The following ACOX3 variants were observed in gnomAD, a reference collection of about 807,000 sequenced individuals.
ACOX3 encodes the protein peroxisomal acyl-coenzyme A oxidase 3.
A neutral mutation model predicts 81.5 loss-of-function variants in ACOX3; 73 were observed. The observed-to-expected ratio is 0.90, with a 90% confidence interval of 0.74 to 1.09. The LOEUF is 1.09. Among genes scored for constraint, ACOX3 ranks in the 50% least tolerant of loss-of-function variants. The pLI is 0.00. For missense variants in ACOX3, 947 were observed against 928.0 expected (o/e 1.02, Z -0.27); for synonymous variants, 387 against 375.1 (o/e 1.03, Z -0.37).
rs934255272 is a variant in ACOX3 at position 8,434,297 on chromosome 4, G to A, written c.-15+6351C>T. The stretch of plus-strand genomic sequence containing the variant: ...GGGGGGCTCCGCTCTTAAGCCACAA[G>A]TCTGCCAGTGCTTCCGGCCGAATAA... On this transcript the variant is annotated intron_variant, in intron 1 of 17. Coordinates refer to ENST00000356406, the MANE Select transcript of ACOX3 (RefSeq NM_003501.3). Among the ~76,000 whole-genome samples, 5 of 152,196 alleles carry A rather than the reference G, an allele frequency of 3.3e-5. 1 individual carries two copies. Among genetic ancestry groups the A allele is most frequent in the Admixed American group, 2.6e-4 (4 of 15,280 alleles).
At position 8,416,415 on chromosome 4, in the gene ACOX3, G is replaced by C; in HGVS notation, c.107C>G (p.Ala36Gly). ...ARASFSWKEL[A>G]LFTEGEGMLR... Reference sequence around the variant, plus strand: ...CATGCCCTCCCCTTCCGTGAACAGCGCCAGCTCCTTCCAGCTGAAGGACGC... The same window carrying C: ...CATGCCCTCCCCTTCCGTGAACAGCCCCAGCTCCTTCCAGCTGAAGGACGC... Residue 36 changes from alanine (A) to glycine (G), a missense_variant, in exon 2 of 18, where the codon GCG becomes GGG. Transcript: ENST00000356406. The surrounding 1 kb of genome is among the most constrained non-coding windows in gnomAD (Gnocchi z 4.2). 1 of 1,614,174 alleles carries C rather than the reference G, an allele frequency of 6.2e-7. No individual in the cohort carries two copies. Among genetic ancestry groups the C allele is most frequent in the Non-Finnish European group, 8.5e-7 (1 of 1,180,024 alleles).
intron 1 of ACOX3, among the ~76,000 whole-genome samples, chr4:8,426,085 T>A (rs1474309028): frequency 6.6e-6 from 1 of 152,182 alleles, no homozygotes; most frequent in Non-Finnish European, 1.5e-5. Flanking sequence ...AAATGCTGTA[T>A]GGACAGCCCT....
downstream of ACOX3, among the ~76,000 whole-genome samples, chr4:8,364,985 G>A (rs1284847775): frequency 6.6e-6 from 1 of 152,152 alleles, no homozygotes; most frequent in Non-Finnish European, 1.5e-5. This position sits in a 1 kb window ranked among gnomAD's most constrained non-coding sequence, Gnocchi z 5.0. Context: ...GGACTTGGGA[G>A]CCTGTTCCTT....
chr4:8,410,758 T>A (rs1043049832), intron 5 of ACOX3, among the ~76,000 whole-genome samples: 1 of 152,144 alleles, frequency 6.6e-6, no homozygotes, highest in Admixed American at 6.6e-5. Context: ...GTCCACTCAG[T>A]TCTTTAGGAC....
At chr4:8,408,259 CAAA>C (rs201696645) in intron 6 of ACOX3, among the ~76,000 whole-genome samples, 1 of 132,698 alleles carries the variant, frequency 7.5e-6, no homozygotes. Context: ...CACTGTCTCA[CAAA>C]AAAAAAAAAA....
rs571588730 is a variant in ACOX3, at chr4:8,405,486, G to A, written c.776+469C>T. Among the ~76,000 whole-genome samples the A allele has an allele frequency of 3.9e-5, 6 of 152,218 alleles. No homozygotes were observed. The highest frequency in any genetic ancestry group is 4.1e-4 in the South Asian group (2 of 4,832). ...GGGCTGATTAAACAAATAAGCCAGCGGAATTCTCTTTCTAAGTGCTGTGAC... is the reference window on the plus strand; with the variant it reads ...GGGCTGATTAAACAAATAAGCCAGCAGAATTCTCTTTCTAAGTGCTGTGAC... On this transcript the variant is annotated intron_variant, in intron 7 of 17. Transcript: ENST00000356406. This position sits in a 1 kb window ranked among gnomAD's most constrained non-coding sequence, Gnocchi z 7.1.
In ACOX3 at chr4:8,373,445, A is replaced by G. The variant is rs542169161; in HGVS notation, c.1896+116T>C. ...GGGTGACGCTAAGGGGGTGCGTGTC[A>G]GTCTGGGTGATACTAAGGCGGTGCG... On this transcript the variant is annotated intron_variant, in intron 16 of 17. Coordinates refer to ENST00000356406, the MANE Select transcript of ACOX3 (RefSeq NM_003501.3). 460 of 1,072,234 alleles carry G rather than the reference A, an allele frequency of 4.3e-4. 2 individuals are homozygous for G. The African/African-American group carries it at 6.7e-3, about 16-fold the overall frequency. The allele number at this position is 1,072,234 out of a possible 1,614,324, so 66.4% of individuals were successfully genotyped here. A position where few individuals can be genotyped will look rare whatever the true frequency, so the allele number is the denominator to read the frequency against.
intron 1 of ACOX3, among the ~76,000 whole-genome samples, chr4:8,425,015 C>T (rs1180551275): frequency 1.3e-5 from 2 of 152,200 alleles, no homozygotes; most frequent in Non-Finnish European, 2.9e-5. Flanking sequence ...AATATATACA[C>T]AGACTCTAAG....
chr4:8,439,401 C>G (rs2109060860), intron 1 of ACOX3: 1 of 152,306 alleles, frequency 6.6e-6, no homozygotes, highest in East Asian at 1.9e-4. Context: ...GAAAACATTG[C>G]CAGCAGCCTA....
At chr4:8,408,810 G>C (rs1256300114) in intron 6 of ACOX3, among the ~76,000 whole-genome samples, 1 of 148,638 alleles carries the variant, frequency 6.7e-6, no homozygotes, top group Admixed American at 7.0e-5. Flanking sequence ...TTAGGGGATT[G>C]ATCAGAGGCA....
intron 9 of ACOX3, among the ~76,000 whole-genome samples, chr4:8,396,581 A>T (rs983640175): frequency 6.6e-6 from 1 of 151,586 alleles, no homozygotes; most frequent in Non-Finnish European, 1.5e-5. Flanking sequence ...GGAGGCTGAG[A>T]CACGAGAATC....
chr4:8,365,496 G>A (rs1376640378), downstream of ACOX3, among the ~76,000 whole-genome samples: 3 of 152,234 alleles, frequency 2.0e-5, no homozygotes, highest in Non-Finnish European at 4.4e-5. Flanking sequence ...TCAGGCACCA[G>A]GGAGGTCCCA....
chr4:8,385,117 G>A lies in ACOX3; in HGVS notation c.1538-3510C>T, dbSNP rs957015421. ...CCCACTGTCTCGCAGAAGGAAAACAGGCTCAGAGAGATTAAAGCCTAGCTC... is the reference window on the plus strand; with the variant it reads ...CCCACTGTCTCGCAGAAGGAAAACAAGCTCAGAGAGATTAAAGCCTAGCTC... On this transcript the variant is annotated intron_variant, in intron 13 of 17. Transcript: ENST00000356406. This position sits in a 1 kb window ranked among gnomAD's most constrained non-coding sequence, Gnocchi z 5.5. Among the ~76,000 whole-genome samples, 5 of 152,162 alleles carry A rather than the reference G, an allele frequency of 3.3e-5. No homozygotes were observed. Among genetic ancestry groups the A allele is most frequent in the Non-Finnish European group, 5.9e-5 (4 of 68,022 alleles).
the ACOX3 span, chr4:8,356,631 G>A: frequency 1.5e-5 from 7 of 455,862 alleles, no homozygotes; most frequent in Admixed American, 2.4e-5. Context: ...CGGCAGGTGA[G>A]AGGAAGAAAG....
intron 1 of ACOX3, among the ~76,000 whole-genome samples, chr4:8,427,611 G>A (rs1579000332): frequency 6.6e-6 from 1 of 152,176 alleles, no homozygotes; most frequent in Non-Finnish European, 1.5e-5. Context: ...GTTCTCTTCC[G>A]TGACCCACAG....
At position 8,414,752 on chromosome 4, in the gene ACOX3, AG is replaced by A; in HGVS notation, c.453+101del. On this transcript the variant is annotated intron_variant, in intron 4 of 17. Coordinates refer to ENST00000356406, the MANE Select transcript of ACOX3 (RefSeq NM_003501.3). The surrounding 1 kb of genome is among the most constrained non-coding windows in gnomAD (Gnocchi z 6.1). ...AACACTAGGAAACAAGAAGAGCATA[AG>A]CCCCCTGGGCACCCCCTTCTACAAT... is the stretch of plus-strand genomic sequence containing the variant. 1 of 1,167,326 alleles carries A rather than the reference AG, an allele frequency of 8.6e-7. No homozygotes were observed. The highest frequency in any genetic ancestry group is 2.4e-5 in the East Asian group (1 of 42,162). 72.3% of individuals were successfully genotyped at this position (1,167,326 alleles called of 1,614,324 possible). A position where few individuals can be genotyped will look rare whatever the true frequency, so the allele number is the denominator to read the frequency against.
Position 8,395,497 on chromosome 4 carries a change from G to C in ACOX3, c.1057-755C>G, listed in dbSNP as rs138242978. On this transcript the variant is annotated intron_variant, in intron 9 of 17. Transcript: ENST00000356406. Reference sequence around the variant, plus strand: ...TCACCACCATGGTCTAACGTGTCAAGAGTGCTGAGCAGACATGGCGCCAGC... The same window carrying C: ...TCACCACCATGGTCTAACGTGTCAACAGTGCTGAGCAGACATGGCGCCAGC... 8.0e-3 allele frequency among the ~76,000 whole-genome samples: 1,217 copies of C among 152,352 alleles called. 12 individuals carry two copies. Among genetic ancestry groups the C allele is most frequent in the African/African-American group, 0.026 (1,087 of 41,578 alleles).
rs1167552497 is a variant in ACOX3, at chr4:8,432,730, T to C, written c.-15+7918A>G. ...GCTCAGAGCAGCCAGGGACTTCCGG[T>C]TGGAGCCTCCACTGCTGCTTCTCGA... On this transcript the variant is annotated intron_variant, in intron 1 of 17. Coordinates refer to ENST00000356406, the MANE Select transcript of ACOX3 (RefSeq NM_003501.3). The surrounding 1 kb of genome is among the most constrained non-coding windows in gnomAD (Gnocchi z 6.2). Among the ~76,000 whole-genome samples the C allele has an allele frequency of 2.0e-5, 3 of 152,108 alleles. No individual in the cohort carries two copies. The East Asian group carries it at 5.8e-4, about 29-fold the overall frequency.
chr4:8,374,704 G>T, intron 15 of ACOX3: 1 of 356,332 alleles, frequency 2.8e-6, no homozygotes. Flanking sequence ...TGCAGAGCCC[G>T]GCAGGCTGCC....
Sources: gnomAD v4.1 joint callset for allele counts (sites outside exome capture counted in the v4.1 genomes callset) on GRCh38, gnomAD v4.1.1 for gene constraint, Gnocchi (gnomAD v3.1) non-coding constraint, MANE v1.5 for transcripts, NCBI Gene and HGNC (gene_info 2026-07-23, HGNC 2026-07-21) for gene names.